Variants in DNAH12 observed in about 807,000 individuals in gnomAD.
DNAH12 encodes the protein axonemal beta dynein heavy chain 12.
Under a neutral mutation model 371.5 loss-of-function variants are expected in DNAH12, and 285 were observed. That is an observed-to-expected ratio of 0.77 (90% CI 0.70 to 0.85). The LOEUF (loss-of-function observed/expected upper bound fraction) is 0.85, where lower values mean the gene tolerates loss of function less well. Among genes scored for constraint, DNAH12 ranks in the 40% least tolerant of loss-of-function variants. The pLI, the probability that DNAH12 is intolerant of heterozygous loss-of-function variation, is 0.00. For missense variants in DNAH12, 3,611 were observed against 3,689.4 expected, an observed-to-expected ratio of 0.98 and a Z score of 0.55; for synonymous variants, 1,200 against 1,213.0, an observed-to-expected ratio of 0.99 and a Z score of 0.22.
At chr3:57,343,739 T>A (rs1167224573) in intron 60 of DNAH12, among the ~76,000 whole-genome samples, 1 of 152,092 alleles carries the variant, frequency 6.6e-6, no homozygotes, top group Non-Finnish European at 1.5e-5. Context: ...AATGTCTCGG[T>A]ATAAAACCCG....
intron 60 of DNAH12, among the ~76,000 whole-genome samples, chr3:57,349,815 G>A (rs2062629571): frequency 6.6e-6 from 1 of 152,168 alleles, no homozygotes; most frequent in Admixed American, 6.5e-5. Flanking sequence ...AGCCTCTTGA[G>A]TAGCTGGGAC....
At chr3:57,414,804 G>T (rs1375696548) in intron 38 of DNAH12, among the ~76,000 whole-genome samples, 1 of 152,130 alleles carries the variant, frequency 6.6e-6, no homozygotes, top group Non-Finnish European at 1.5e-5. Context: ...AAATTTGTAA[G>T]ATTTTGAAGT....
At chr3:57,508,681 C>A (rs936075613) in intron 6 of DNAH12, 141 bp from the exon 7 acceptor site, 1 of 869,004 alleles carries the variant, frequency 1.2e-6, no homozygotes, top group South Asian at 1.8e-5. Flanking sequence ...GCAATGGGAA[C>A]CTTAAGATAT....
rs2061829688 is a variant in DNAH12 at position 57,322,459 on chromosome 3, C to T, written c.10408G>A (p.Gly3470Arg). 6.4e-7 allele frequency: 1 copy of T among 1,551,868 alleles called. No individual in the cohort carries two copies. Among genetic ancestry groups the T allele is most frequent in the South Asian group, 1.2e-5 (1 of 83,970 alleles). ...SKFPVTILQN[G>R]VKMTNEPPTG... ...GGAGGTTCATTAGTCATTTTTACTC[C>T]ATTCTGTAGAATTGTTACTGGGAAC... is the stretch of plus-strand genomic sequence containing the variant. The change falls in exon 65 of 74, where the codon GGA (glycine) becomes AGA (arginine). Residue 3470 changes from glycine (G) to arginine (R), a missense_variant. By Grantham distance (125) the Gly-to-Arg change is moderately radical (BLOSUM62 -2). Transcript: ENST00000495027.
chr3:57,507,875 T>C (rs1159548497), intron 7 of DNAH12, 37 bp from the exon 8 acceptor site: 3 of 1,521,182 alleles, frequency 2.0e-6, no homozygotes, highest in Admixed American at 2.3e-5. Flanking sequence ...TTGAAGCAAA[T>C]GATACATATT....
intron 59 of DNAH12, among the ~76,000 whole-genome samples, chr3:57,354,622 T>C (rs2062756589): frequency 6.6e-6 from 1 of 151,804 alleles, no homozygotes; most frequent in Non-Finnish European, 1.5e-5. Flanking sequence ...TGGGTATTTA[T>C]CTCAGAGAAA....
intron 2 of DNAH12, among the ~76,000 whole-genome samples, chr3:57,540,802 C>T (rs775940911): frequency 6.6e-6 from 1 of 151,802 alleles, no homozygotes; most frequent in South Asian, 2.1e-4. Flanking sequence ...TGGTGGTGTA[C>T]GCCTGTAGTC....
chr3:57,510,001 G>GA (rs963995995), intron 5 of DNAH12, among the ~76,000 whole-genome samples: 8 of 149,366 alleles, frequency 5.4e-5, no homozygotes, highest in Non-Finnish European at 7.4e-5. Context: ...ATAAATATGT[G>GA]AAAAAAATGC....
rs1575467484 is a variant in DNAH12, at chr3:57,334,566, C to T, written c.9877G>A (p.Asp3293Asn). The change falls in exon 62 of 74, where the codon GAC becomes AAC. Residue 3293 changes from aspartate to asparagine, a missense_variant. By Grantham distance (23) the Asp-to-Asn change is conservative. This residue lies in a region of DNAH12 where 2,266 missense variants were observed against 2,236.9 expected (regional missense o/e 1.01). Transcript: ENST00000495027. ...TTAGCATTATGTGGCTCTTTACTGT[C>T]ATAGATTTCTCGCCATTCATATATA... ...EHIYEWREIY[D>N]SKEPHNAKFP... is the part of the protein sequence containing the mutation. The T allele has an allele frequency of 1.3e-6, 2 of 1,550,184 alleles. No homozygotes were observed. Among genetic ancestry groups the T allele is most frequent in the Non-Finnish European group, 1.7e-6 (2 of 1,146,766 alleles).
chr3:57,368,438 CTTAT>C (rs1296316334), intron 55 of DNAH12, among the ~76,000 whole-genome samples, 178 bp from the exon 56 acceptor site: 17 of 148,454 alleles, frequency 1.1e-4, no homozygotes, highest in African/African-American at 3.5e-4. Context: ...TTTTTTCTTT[CTTAT>C]TTATTTTTCA....
intron 43 of DNAH12, among the ~76,000 whole-genome samples, chr3:57,394,842 T>C (rs1393624376): frequency 1.3e-5 from 2 of 152,124 alleles, no homozygotes; most frequent in African/African-American, 2.4e-5. Flanking sequence ...GACGCTTCAG[T>C]GTAGACAGGC....
At chr3:57,541,165 G>A (rs370316757) in intron 2 of DNAH12, among the ~76,000 whole-genome samples, 6 of 151,556 alleles carry the variant, frequency 4.0e-5, no homozygotes, top group Non-Finnish European at 8.8e-5. Flanking sequence ...TCCGCCTCCT[G>A]AGTAGCTGGG....
intron 2 of DNAH12, among the ~76,000 whole-genome samples, chr3:57,533,213 G>A (rs1368634904): frequency 6.7e-6 from 1 of 149,616 alleles, no homozygotes; most frequent in Non-Finnish European, 1.5e-5. Flanking sequence ...GCGTGGCCTG[G>A]GACTCACCCT....
Position 57,320,053 on chromosome 3 carries a change from G to C in DNAH12, c.10524+2290C>G, listed in dbSNP as rs1213015720. 2.0e-5 allele frequency among the ~76,000 whole-genome samples: 3 copies of C among 152,144 alleles called. 1 individual carries two copies. The highest frequency in any genetic ancestry group is 1.3e-4 in the Admixed American group (2 of 15,282). On this transcript the variant is annotated intron_variant, in intron 65 of 73. Transcript: ENST00000495027. ...AGGGGATAAATCCCACTTGGCCATG[G>C]TGTATATATATGATATGCTATATTT...
chr3:57,354,308 A>T (rs2062746856), intron 59 of DNAH12, among the ~76,000 whole-genome samples: 1 of 152,190 alleles, frequency 6.6e-6, no homozygotes, highest in Non-Finnish European at 1.5e-5. Context: ...ACACATGGAC[A>T]CAAGGAAGGG....
intron 4 of DNAH12, among the ~76,000 whole-genome samples, chr3:57,516,545 T>C (rs1292069813): frequency 1.3e-5 from 2 of 152,138 alleles, no homozygotes; most frequent in East Asian, 3.9e-4. Flanking sequence ...AGCCTAAGAA[T>C]CATCCTTGGT....
chr3:57,495,886 A>G (rs1322686541), intron 11 of DNAH12, among the ~76,000 whole-genome samples: 2 of 141,932 alleles, frequency 1.4e-5, no homozygotes, highest in East Asian at 2.0e-4. Context: ...TTTAAAATAT[A>G]TTTTTATATA....
chr3:57,304,504 CTCTT>C (rs1449137250), intron 69 of DNAH12, among the ~76,000 whole-genome samples: 1 of 152,196 alleles, frequency 6.6e-6, no homozygotes, highest in African/African-American at 2.4e-5. Flanking sequence ...TTCAATCTCT[CTCTT>C]CTCTCAATTT....
chr3:57,398,474 T>A (rs879191831), intron 43 of DNAH12, among the ~76,000 whole-genome samples: 121,917 of 152,140 alleles, frequency 0.8, 49,091 homozygotes, highest in East Asian at 1. Flanking sequence ...GATGAAGTCA[T>A]AGAAATCCAC....
Sources: gnomAD v4.1 joint callset for allele counts (sites outside exome capture counted in the v4.1 genomes callset) on GRCh38, gnomAD v4.1.1 for gene constraint, gnomAD v4.1.1 regional missense constraint, MANE v1.5 for transcripts, NCBI Gene and HGNC (gene_info 2026-07-23, HGNC 2026-07-21) for gene names.